The following ITPKB variants were observed in gnomAD, a reference collection of about 807,000 sequenced individuals.
ITPKB encodes IP3 3-kinase B.
Under a neutral mutation model 69.4 loss-of-function variants are expected in ITPKB, and 13 were observed. The ratio of observed to expected loss-of-function variants is 0.19; its 90% confidence interval spans 0.12 to 0.30. The LOEUF is 0.30. ITPKB is among the 10% of genes least tolerant of loss of function. ITPKB has a pLI of 1.00. For synonymous variants in ITPKB, 584 were observed against 513.7 expected, an observed-to-expected ratio of 1.14 and a Z score of -1.85; for missense variants, 1,240 against 1,250.5, an observed-to-expected ratio of 0.99 and a Z score of 0.13.
In ITPKB at chr1:226,660,929, G is replaced by A. The variant is rs535395677; in HGVS notation, c.1933-12158C>T. 1.3e-4 allele frequency among the ~76,000 whole-genome samples: 20 copies of A among 152,322 alleles called. No individual in the cohort carries two copies. The South Asian group carries it at 3.7e-3, about 28-fold the overall frequency. On this transcript the variant is annotated intron_variant, in intron 2 of 7. Transcript: ENST00000429204. The stretch of plus-strand genomic sequence containing the variant: ...TGCAACACGCAGCAGATCCTCTCCC[G>A]CCCTGCGCTCATCCACTCCTCCCCA...
intron 2 of ITPKB, among the ~76,000 whole-genome samples, chr1:226,729,807 C>CT (rs1167029183): frequency 1.3e-5 from 2 of 151,958 alleles, no homozygotes. Flanking sequence ...GTTGACTAGG[C>CT]TGGTTTCGAA....
chr1:226,636,415 A>G (rs1668837882), intron 7 of ITPKB, among the ~76,000 whole-genome samples: 1 of 152,220 alleles, frequency 6.6e-6, no homozygotes. Context: ...CCTCGCAGCC[A>G]TCCTCTCCAG....
Position 226,637,381 on chromosome 1 carries a change from G to A in ITPKB, c.2625+298C>T, listed in dbSNP as rs750580246. ...GAGAGCTTCTGCCCTGAGACCACGGGTGTGTGGGATATGAGTCCTGCCACC... is the reference window on the plus strand; with the variant it reads ...GAGAGCTTCTGCCCTGAGACCACGGATGTGTGGGATATGAGTCCTGCCACC... On this transcript the variant is annotated intron_variant, in intron 7 of 7. Coordinates refer to ENST00000429204, the MANE Select transcript of ITPKB (RefSeq NM_002221.4). The surrounding 1 kb of genome is among the most constrained non-coding windows in gnomAD (Gnocchi z 4.3). Among the ~76,000 whole-genome samples the A allele has an allele frequency of 2.0e-4, 31 of 152,250 alleles. No individual in the cohort carries two copies. The highest frequency in any genetic ancestry group is 4.4e-4 in the Non-Finnish European group (30 of 68,044).
At chr1:226,695,994 CT>C (rs561588220) in intron 2 of ITPKB, among the ~76,000 whole-genome samples, 15 of 152,314 alleles carry the variant, frequency 9.8e-5, no homozygotes, top group Admixed American at 9.1e-4. Context: ...ACTCCCAGCC[CT>C]CCAATATTCA....
At chr1:226,718,451 T>C (rs1175042041) in intron 2 of ITPKB, among the ~76,000 whole-genome samples, 1 of 151,954 alleles carries the variant, frequency 6.6e-6, no homozygotes, top group Admixed American at 6.6e-5. Context: ...TAAAATTAGC[T>C]GGGCATGGTG....
chr1:226,635,955 C>A (rs1171357297), intron 7 of ITPKB, among the ~76,000 whole-genome samples: 1 of 152,248 alleles, frequency 6.6e-6, no homozygotes, highest in African/African-American at 2.4e-5. Flanking sequence ...CAGTGCAGGG[C>A]AGGTGGGGCC....
Position 226,641,815 on chromosome 1 carries a change from C to A in ITPKB, c.2451+106G>T. 9.5e-7 allele frequency: 1 copy of A among 1,055,530 alleles called. No homozygotes were observed. The allele number at this position is 1,055,530 out of a possible 1,614,324, so 65.4% of individuals were successfully genotyped here. A position where few individuals can be genotyped will look rare whatever the true frequency, so the allele number is the denominator to read the frequency against. On this transcript the variant is annotated intron_variant, in intron 5 of 7. Coordinates refer to ENST00000429204, the MANE Select transcript of ITPKB (RefSeq NM_002221.4). The surrounding 1 kb of genome is among the most constrained non-coding windows in gnomAD (Gnocchi z 4.6). ...TGGGGCGGGCCACCCACATTCTGAG[C>A]CTGTGCCTGGAGAAGCTTACAGCTT...
chr1:226,713,773 G>T (rs1040509865), intron 2 of ITPKB, among the ~76,000 whole-genome samples: 31 of 152,118 alleles, frequency 2.0e-4, no homozygotes, highest in African/African-American at 7.2e-4. Flanking sequence ...GACAGCCAAA[G>T]AAAGCATCCT....
intron 2 of ITPKB, among the ~76,000 whole-genome samples, chr1:226,682,316 TATAAATA>T (rs1433890006): frequency 6.6e-6 from 1 of 152,060 alleles, no homozygotes; most frequent in Non-Finnish European, 1.5e-5. Flanking sequence ...GCTAGGAAAA[TATAAATA>T]ACATTCAGCA....
chr1:226,699,173 C>T (rs140729206), intron 2 of ITPKB, among the ~76,000 whole-genome samples: 9 of 152,326 alleles, frequency 5.9e-5, no homozygotes, highest in Admixed American at 2.0e-4. Context: ...GTACTCAGTG[C>T]GCTATCTGTT....
intron 4 of ITPKB, among the ~76,000 whole-genome samples, chr1:226,646,188 G>A (rs955340683): frequency 3.3e-5 from 5 of 152,220 alleles, no homozygotes; most frequent in Non-Finnish European, 5.9e-5. Context: ...AGCATGGGGG[G>A]GCTTGGCATC....
In ITPKB at chr1:226,632,615, A is replaced by G. The variant is rs1440928789; in HGVS notation, c.*2056T>C. 6.6e-6 allele frequency: 1 copy of G among 152,668 alleles called. No homozygotes were observed. Among genetic ancestry groups the G allele is most frequent in the East Asian group, 1.9e-4 (1 of 5,200 alleles). 9.5% of individuals were successfully genotyped at this position (152,668 alleles called of 1,614,324 possible). ...ACATATTTAATGTAACCCACAGCCA[A>G]GTATTGCCAATAAGAGGCCCCATGG... On this transcript the variant is annotated 3_prime_UTR_variant, in exon 8 of 8. Transcript: ENST00000429204.
intron 2 of ITPKB, among the ~76,000 whole-genome samples, chr1:226,720,410 G>C (rs1357964064): frequency 6.6e-6 from 1 of 152,190 alleles, no homozygotes; most frequent in African/African-American, 2.4e-5. Flanking sequence ...TGTTCTCCAG[G>C]CGACAGCTGA....
chr1:226,679,130 G>A (rs1046324367), intron 2 of ITPKB, among the ~76,000 whole-genome samples: 1 of 152,162 alleles, frequency 6.6e-6, no homozygotes, highest in African/African-American at 2.4e-5. Flanking sequence ...ATCTCTTCCT[G>A]CAGGTGTTTT....
intron 4 of ITPKB, among the ~76,000 whole-genome samples, chr1:226,643,704 T>G (rs1669008395): frequency 1.3e-5 from 2 of 152,226 alleles, no homozygotes; most frequent in South Asian, 4.1e-4. Context: ...GGTGTGAACT[T>G]AGGCCTGGCT....
intron 2 of ITPKB, among the ~76,000 whole-genome samples, chr1:226,661,666 T>C (rs890796125): frequency 1.4e-4 from 22 of 152,226 alleles, no homozygotes; most frequent in African/African-American, 5.3e-4. Context: ...AAGTATTGTT[T>C]TCAGGGTTAA....
chr1:226,670,337 A>C (rs1424111221), intron 2 of ITPKB, among the ~76,000 whole-genome samples: 1 of 152,148 alleles, frequency 6.6e-6, no homozygotes, highest in Non-Finnish European at 1.5e-5. Context: ...AAGGGCCATA[A>C]AAATGTTTCA....
At chr1:226,691,975 A>G (rs936833877) in intron 2 of ITPKB, among the ~76,000 whole-genome samples, 5 of 152,074 alleles carry the variant, frequency 3.3e-5, no homozygotes, top group Admixed American at 6.5e-5. Context: ...TACCTGCTGA[A>G]CCCCAAATGG....
intron 2 of ITPKB, among the ~76,000 whole-genome samples, chr1:226,685,572 C>T (rs1656187880): frequency 6.6e-6 from 1 of 152,182 alleles, no homozygotes; most frequent in African/African-American, 2.4e-5. Flanking sequence ...GCTGTTCTTC[C>T]CTGTCTGCAC....
Sources: gnomAD v4.1 joint callset for allele counts (sites outside exome capture counted in the v4.1 genomes callset) on GRCh38, gnomAD v4.1.1 for gene constraint, Gnocchi (gnomAD v3.1) non-coding constraint, MANE v1.5 for transcripts, NCBI Gene and HGNC (gene_info 2026-07-23, HGNC 2026-07-21) for gene names.